Variants in PLCB4 observed in about 807,000 individuals in gnomAD.
PLCB4 encodes the protein 1-phosphatidylinositol 4,5-bisphosphate phosphodiesterase beta-4.
A neutral mutation model predicts 178.8 loss-of-function variants in PLCB4; 77 were observed. That is an observed-to-expected ratio of 0.43 (90% CI 0.36 to 0.52). The LOEUF is 0.52. PLCB4 is among the 20% of genes least tolerant of loss of function. PLCB4 has a pLI of 0.00. For synonymous variants in PLCB4, 496 were observed against 490.8 expected (o/e 1.01, Z -0.14); for missense variants, 1,024 against 1,453.4 (o/e 0.70, Z 4.80).
chr20:9,473,348 G>C lies in PLCB4; in HGVS notation c.3478G>C (p.Glu1160Gln). ...KVQLEHLEFL[E>Q]KQNEQLLKSC... ...CCAGCTTGAACATCTAGAATTCCTA[G>C]AGAAACAGAATGAGCAGGTATTTTA... The change falls in exon 38 of 40, where the codon GAG (glutamate) becomes CAG (glutamine). Residue 1160 changes from glutamate (E) to glutamine (Q), a missense_variant. Coordinates refer to ENST00000378473, the MANE Select transcript of PLCB4 (RefSeq NM_001377142.1). The C allele has an allele frequency of 6.3e-7, 1 of 1,590,818 alleles. No homozygotes were observed. Among genetic ancestry groups the C allele is most frequent in the Non-Finnish European group, 8.6e-7 (1 of 1,165,132 alleles).
chr20:9,344,689 A>C (rs1568622612), intron 7 of PLCB4, among the ~76,000 whole-genome samples: 1 of 152,224 alleles, frequency 6.6e-6, no homozygotes, highest in Non-Finnish European at 1.5e-5. Context: ...AAGGAAAGAC[A>C]GAACTCTGGG....
intron 2 of PLCB4, among the ~76,000 whole-genome samples, chr20:9,160,382 T>C (rs1410023025): frequency 1.3e-5 from 2 of 152,162 alleles, no homozygotes; most frequent in South Asian, 4.1e-4. Context: ...CGTATATACC[T>C]GGCACCTGAC....
At chr20:9,431,081 C>G (rs1013889455) in intron 28 of PLCB4, among the ~76,000 whole-genome samples, 1 of 152,180 alleles carries the variant, frequency 6.6e-6, no homozygotes, top group African/African-American at 2.4e-5. Context: ...TTTATGGAGG[C>G]TAGAAGCCTG....
At position 9,201,528 on chromosome 20, in the gene PLCB4, CTG is replaced by C. The variant is rs534603990; in HGVS notation, c.-78-15858_-78-15857del. On this transcript the variant is annotated intron_variant, in intron 2 of 39. Coordinates refer to ENST00000378473, the MANE Select transcript of PLCB4 (RefSeq NM_001377142.1). ...GAATCAGATCTTCTGCATGTTATAA[CTG>C]TGTAAATTTACTTAACTGTCTGGGC... is the stretch of plus-strand genomic sequence containing the variant. Among the ~76,000 whole-genome samples, 765 of 152,266 alleles carry C rather than the reference CTG, an allele frequency of 5.0e-3. 19 individuals carry two copies. The highest frequency in any genetic ancestry group is 2.4e-3 in the Non-Finnish European group (166 of 68,016).
At chr20:9,151,422 G>T (rs2146929667) in intron 2 of PLCB4, among the ~76,000 whole-genome samples, 1 of 152,186 alleles carries the variant, frequency 6.6e-6, no homozygotes, top group East Asian at 1.9e-4. Context: ...CCCACATGTG[G>T]TGGGAGGGAC....
chr20:9,266,287 C>T (rs974650292), intron 3 of PLCB4, among the ~76,000 whole-genome samples: 6 of 151,946 alleles, frequency 3.9e-5, no homozygotes, highest in African/African-American at 1.4e-4. Context: ...TCTGTTTTTG[C>T]TTGTATGTTT....
intron 3 of PLCB4, among the ~76,000 whole-genome samples, chr20:9,240,170 G>A (rs2094042474): frequency 6.6e-6 from 1 of 152,112 alleles, no homozygotes; most frequent in Non-Finnish European, 1.5e-5. Flanking sequence ...ATAAACTGGG[G>A]TGAACTCAGC....
chr20:9,083,761 T>A (rs2090274114), intron 1 of PLCB4, among the ~76,000 whole-genome samples: 1 of 152,106 alleles, frequency 6.6e-6, no homozygotes, highest in South Asian at 2.1e-4. Context: ...TCTGTGACCA[T>A]ACAGGCACAG....
intron 9 of PLCB4, among the ~76,000 whole-genome samples, chr20:9,370,579 G>A (rs547808114): frequency 6.6e-6 from 1 of 152,156 alleles, no homozygotes; most frequent in Admixed American, 6.5e-5. Flanking sequence ...AGGCAATTTG[G>A]TAGCATCAGA....
intron 4 of PLCB4, among the ~76,000 whole-genome samples, chr20:9,329,438 T>G (rs2031290185): frequency 6.6e-6 from 1 of 152,198 alleles, no homozygotes. Context: ...GAGAAAGTAC[T>G]TAGAGCGTTG....
intron 32 of PLCB4, among the ~76,000 whole-genome samples, chr20:9,450,418 A>G (rs2042683267): frequency 6.6e-6 from 1 of 152,158 alleles, no homozygotes; most frequent in African/African-American, 2.4e-5. Context: ...AGTTATCCCA[A>G]AACACTTCAG....
In PLCB4 at chr20:9,480,743, T is replaced by C. The variant is rs978334093; in HGVS notation, c.*1734T>C. On this transcript the variant is annotated 3_prime_UTR_variant, in exon 40 of 40. Coordinates refer to ENST00000378473, the MANE Select transcript of PLCB4 (RefSeq NM_001377142.1). ...TAAAACAGTGGAGTTAGACTACATA[T>C]CTTTTGGCACTAACATCTCATGAAA... 7 of 152,216 alleles carry C rather than the reference T, an allele frequency of 4.6e-5. No individual in the cohort carries two copies. The highest frequency in any genetic ancestry group is 1.7e-4 in the African/African-American group (7 of 41,462). The allele number at this position is 152,216 out of a possible 1,614,324, so 9.4% of individuals were successfully genotyped here.
chr20:9,080,702 A>G (rs777558777), intron 1 of PLCB4, among the ~76,000 whole-genome samples: 1 of 152,134 alleles, frequency 6.6e-6, no homozygotes, highest in East Asian at 1.9e-4. Context: ...AAGATAACTC[A>G]TTCACTTCTA....
At chr20:9,153,783 C>T (rs1405907975) in intron 2 of PLCB4, among the ~76,000 whole-genome samples, 9 of 152,126 alleles carry the variant, frequency 5.9e-5, no homozygotes, top group African/African-American at 2.2e-4. Context: ...AGTGTTCTTT[C>T]TTCCTAGTAT....
chr20:9,100,934 C>T (rs1039120140), intron 2 of PLCB4, among the ~76,000 whole-genome samples: 4 of 152,034 alleles, frequency 2.6e-5, no homozygotes, highest in Admixed American at 6.6e-5. Context: ...GTGTGTCGCC[C>T]GTGGAGGGAT....
chr20:9,187,761 TA>T (rs1167515469), intron 2 of PLCB4, among the ~76,000 whole-genome samples: 2 of 152,234 alleles, frequency 1.3e-5, no homozygotes, highest in East Asian at 3.8e-4. Flanking sequence ...ATAATTTCCG[TA>T]GGCAAATATC....
At chr20:9,428,991 G>A (rs1020245394) in intron 28 of PLCB4, among the ~76,000 whole-genome samples, 2 of 152,172 alleles carry the variant, frequency 1.3e-5, no homozygotes, top group African/African-American at 2.4e-5. Flanking sequence ...AGGGAGGAAG[G>A]GAGGGGAAAA....
chr20:9,274,660 C>T (rs919183533), intron 3 of PLCB4, among the ~76,000 whole-genome samples: 21 of 152,034 alleles, frequency 1.4e-4, no homozygotes, highest in African/African-American at 4.8e-4. Flanking sequence ...AAAACCATGC[C>T]TTGTGCTTTG....
intron 7 of PLCB4, among the ~76,000 whole-genome samples, chr20:9,349,185 A>G (rs2034100410): frequency 1.3e-5 from 2 of 152,198 alleles, no homozygotes; most frequent in East Asian, 1.9e-4. Flanking sequence ...TGAACAATTC[A>G]GTGCCATTTA....
Sources: allele counts gnomAD v4.1 joint callset (sites outside exome capture counted in the v4.1 genomes callset), GRCh38; gene constraint gnomAD v4.1.1; transcripts MANE v1.5; gene names NCBI Gene and HGNC (gene_info 2026-07-23, HGNC 2026-07-21).